Variants in IL1RAPL1 observed in about 807,000 individuals in gnomAD.
The protein encoded by IL1RAPL1 is interleukin-1 receptor accessory protein-like 1.
In IL1RAPL1, 3 loss-of-function variants were observed where a neutral mutation model predicts 48.4. That is an observed-to-expected ratio of 0.06 (90% CI 0.03 to 0.16). The LOEUF (loss-of-function observed/expected upper bound fraction) is 0.16, where lower values mean the gene tolerates loss of function less well. Ranked by LOEUF, IL1RAPL1 falls within the 10% of genes least tolerant of loss-of-function variation. The pLI, the probability that IL1RAPL1 is intolerant of heterozygous loss-of-function variation, is 1.00. For synonymous variants in IL1RAPL1, 185 were observed against 187.7 expected (o/e 0.99, Z 0.12); for missense variants, 349 against 530.6 (o/e 0.66, Z 3.36).
chrX:29,304,150 A>G (rs1234185196), intron 3 of IL1RAPL1, among the ~76,000 whole-genome samples: 2 of 110,968 alleles, frequency 1.8e-5, no homozygotes, highest in Non-Finnish European at 3.8e-5. Flanking sequence ...TAATTATCTT[A>G]TGGAAAATAA....
chrX:28,901,917 A>G (rs781565122), intron 2 of IL1RAPL1, among the ~76,000 whole-genome samples: 79 of 111,586 alleles, frequency 7.1e-4, no homozygotes, highest in Non-Finnish European at 1.3e-3. Flanking sequence ...GGGTTAGTTT[A>G]TATATAACCC....
intron 5 of IL1RAPL1, among the ~76,000 whole-genome samples, chrX:29,464,404 A>G (rs181672719): frequency 4.5e-5 from 5 of 111,824 alleles, no homozygotes; most frequent in South Asian, 3.8e-4. Context: ...GTCACTGGAA[A>G]GATAAGACAT....
chrX:29,354,278 G>C (rs1218854957), intron 3 of IL1RAPL1, among the ~76,000 whole-genome samples: 1 of 110,999 alleles, frequency 9.0e-6, no homozygotes, highest in Non-Finnish European at 1.9e-5. Context: ...GATAAACATA[G>C]GATGATGATG....
intron 2 of IL1RAPL1, among the ~76,000 whole-genome samples, chrX:28,955,276 A>G (rs1252238125): frequency 9.0e-6 from 1 of 111,383 alleles, no homozygotes; most frequent in African/African-American, 3.3e-5. Flanking sequence ...ATAGTTAGAG[A>G]TAAGATTTGT....
At chrX:29,016,555 TAAG>T (rs1164990944) in intron 2 of IL1RAPL1, among the ~76,000 whole-genome samples, 3 of 111,029 alleles carry the variant, frequency 2.7e-5, no homozygotes, top group Non-Finnish European at 5.7e-5. Flanking sequence ...CTAGGCAGCA[TAAG>T]AAGTTTTATA....
chrX:29,708,803 C>T (rs887905302), intron 6 of IL1RAPL1, among the ~76,000 whole-genome samples: 1 of 111,673 alleles, frequency 9.0e-6, no homozygotes, highest in Non-Finnish European at 1.9e-5. Context: ...ATACTATTTC[C>T]AAAATTACTG....
chrX:29,313,744 C>G (rs1296824413), intron 3 of IL1RAPL1, among the ~76,000 whole-genome samples: 3 of 111,833 alleles, frequency 2.7e-5, no homozygotes, highest in Non-Finnish European at 5.6e-5. Context: ...AAGAGCTCAC[C>G]ATTCATGACA....
intron 5 of IL1RAPL1, among the ~76,000 whole-genome samples, chrX:29,445,787 C>A (rs1934604885): frequency 9.0e-6 from 1 of 111,439 alleles, no homozygotes; most frequent in African/African-American, 3.3e-5. Flanking sequence ...ATTCTCTGCC[C>A]TGGTTCAGTC....
chrX:29,425,665 C>T (rs944408229), intron 5 of IL1RAPL1, among the ~76,000 whole-genome samples: 6 of 111,166 alleles, frequency 5.4e-5, no homozygotes, highest in Admixed American at 4.8e-4. Context: ...CTGCTACCTC[C>T]GCCTCCTGGG....
chrX:28,949,307 C>A (rs1473973187), intron 2 of IL1RAPL1, among the ~76,000 whole-genome samples: 1 of 108,446 alleles, frequency 9.2e-6, no homozygotes, highest in Non-Finnish European at 1.9e-5. Context: ...CATAAATGAG[C>A]CTTGTGTGCT....
At chrX:29,903,647 C>CTGAT (rs1932546612) in intron 6 of IL1RAPL1, among the ~76,000 whole-genome samples, 1 of 111,985 alleles carries the variant, frequency 8.9e-6, no homozygotes, top group South Asian at 3.7e-4. Flanking sequence ...CTCCACTTAG[C>CTGAT]TGATTGGAAT....
chrX:29,731,966 G>T (rs750075414), intron 6 of IL1RAPL1, among the ~76,000 whole-genome samples: 9 of 73,396 alleles, frequency 1.2e-4, no homozygotes, highest in African/African-American at 6.0e-4. Flanking sequence ...GTCAGTAGAG[G>T]CTCCTTTACT....
At chrX:28,669,207 G>C (rs934115936) in intron 1 of IL1RAPL1, among the ~76,000 whole-genome samples, 4 of 111,549 alleles carry the variant, frequency 3.6e-5, no homozygotes, top group African/African-American at 1.3e-4. Flanking sequence ...CAGGCTCTTT[G>C]CTAAGATGAA....
At chrX:29,235,944 A>G (rs981104212) in intron 2 of IL1RAPL1, among the ~76,000 whole-genome samples, 2 of 112,216 alleles carry the variant, frequency 1.8e-5, no homozygotes, top group African/African-American at 6.5e-5. Flanking sequence ...CAATTGATGA[A>G]TCAGCCCTGA....
chrX:29,811,117 C>G lies in IL1RAPL1; in HGVS notation c.779-106347C>G, dbSNP rs1235304525. On this transcript the variant is annotated intron_variant, in intron 6 of 10. Coordinates refer to ENST00000378993, the MANE Select transcript of IL1RAPL1 (RefSeq NM_014271.4). ...TGCACAGTTAGGAAATACAGTCTAACGTATAGTGACAAAAGAGGGGGGTCA... is the reference window on the plus strand; with the variant it reads ...TGCACAGTTAGGAAATACAGTCTAAGGTATAGTGACAAAAGAGGGGGGTCA... 3.6e-5 allele frequency among the ~76,000 whole-genome samples: 4 copies of G among 109,854 alleles called. No individual in the cohort carries two copies. In the Admixed American group the frequency reaches 3.9e-4, roughly 11 times the overall value.
chrX:29,555,098 A>G (rs768679124), intron 5 of IL1RAPL1, among the ~76,000 whole-genome samples: 43 of 112,995 alleles, frequency 3.8e-4, no homozygotes, highest in African/African-American at 1.4e-3. Flanking sequence ...TTATATTTGA[A>G]TAATTCACAA....
rs750243243 is a variant in IL1RAPL1, at chrX:29,160,682, A to G, written c.83-122256A>G. On this transcript the variant is annotated intron_variant, in intron 2 of 10. Coordinates refer to ENST00000378993, the MANE Select transcript of IL1RAPL1 (RefSeq NM_014271.4). ...CTATGCCATCAACCATGAATCAGTC[A>G]CTTAACAAGATAGATATAATCCCTT... Among the ~76,000 whole-genome samples, 5 of 112,500 alleles carry G rather than the reference A, an allele frequency of 4.4e-5. No individual in the cohort carries two copies. In the South Asian group the frequency reaches 1.8e-3, roughly 41 times the overall value.
intron 2 of IL1RAPL1, among the ~76,000 whole-genome samples, chrX:28,816,475 C>T (rs1048272963): frequency 4.5e-5 from 5 of 110,735 alleles, no homozygotes; most frequent in Non-Finnish European, 1.9e-5. Context: ...TTAGCTCCCA[C>T]TTAAAAATGA....
At chrX:29,544,347 C>T (rs779683418) in intron 5 of IL1RAPL1, among the ~76,000 whole-genome samples, 6 of 112,147 alleles carry the variant, frequency 5.4e-5, no homozygotes, top group South Asian at 3.7e-4. Context: ...GATTCGTAAA[C>T]GATCAAAAGT....
Sources: allele counts gnomAD v4.1 joint callset (sites outside exome capture counted in the v4.1 genomes callset), GRCh38; gene constraint gnomAD v4.1.1; transcripts MANE v1.5; gene names NCBI Gene and HGNC (gene_info 2026-07-23, HGNC 2026-07-21).